TRAP1: variants seen among roughly 807,000 people sequenced by gnomAD.
TRAP1 encodes heat shock protein 75 kDa, mitochondrial.
In TRAP1, 102 loss-of-function variants were observed where a neutral mutation model predicts 89.1. The observed-to-expected ratio is 1.15, with a 90% CI of 0.98 to 1.35. The LOEUF (loss-of-function observed/expected upper bound fraction) is 1.35. TRAP1 is among the 40% of genes most tolerant of loss of function. TRAP1 has a pLI of 0.00. For synonymous variants in TRAP1, 508 were observed against 388.0 expected (o/e 1.31, Z -3.64); for missense variants, 1,256 against 945.3 (o/e 1.33, Z -4.31).
In TRAP1 at chr16:3,658,147, C is replaced by G. The variant is rs544569853; in HGVS notation, c.2097G>C (p.Lys699Asn). 1.7e-5 allele frequency: 28 copies of G among 1,614,112 alleles called. No homozygotes were observed. The highest frequency in any genetic ancestry group is 1.7e-4 in the Middle Eastern group (1 of 6,060). Residue 699 changes from lysine to asparagine, a missense_variant, in exon 18 of 18, where the codon AAG becomes AAC. Coordinates refer to ENST00000246957, the MANE Select transcript of TRAP1 (RefSeq NM_016292.3). ...CTGGCTGTCAGTGTCGCTCCAGGGC[C>G]TTGACAAGCAGCTCATTCAAGCGGC... ...MVGRLNELLVKALERH is the reference protein window; with the variant it reads ...MVGRLNELLVNALERH
At chr16:3,702,084 T>C (rs1165094839) in intron 1 of TRAP1, among the ~76,000 whole-genome samples, 3 of 152,070 alleles carry the variant, frequency 2.0e-5, no homozygotes, top group Admixed American at 2.0e-4. Context: ...GGCGTGCACC[T>C]GTAATCCCAG....
At chr16:3,689,830 C>A (rs1567237291) in intron 2 of TRAP1, 1 of 152,368 alleles carries the variant, frequency 6.6e-6, no homozygotes, top group South Asian at 2.1e-4. Context: ...CAGAGAAAGA[C>A]CCTGTCTCAA....
At chr16:3,687,326 G>C (rs1477401248) in intron 3 of TRAP1, 7 of 152,190 alleles carry the variant, frequency 4.6e-5, no homozygotes, top group African/African-American at 1.7e-4. Context: ...ATGACTGTGA[G>C]ACTTCCCCAG....
chr16:3,674,601 G>A, intron 8 of TRAP1, 107 bp from the exon 9 acceptor site: 3 of 1,380,622 alleles, frequency 2.2e-6, no homozygotes, highest in Non-Finnish European at 2.9e-6. Context: ...CAGGCTCCTG[G>A]GACAGACGGG....
intron 1 of TRAP1, among the ~76,000 whole-genome samples, chr16:3,695,642 C>A (rs2051277102): frequency 6.6e-6 from 1 of 152,130 alleles, no homozygotes; most frequent in African/African-American, 2.4e-5. Flanking sequence ...ATATGCAGAG[C>A]TGTGACGATG....
At chr16:3,664,837 G>A (rs905824834) in intron 12 of TRAP1, 13 of 206,444 alleles carry the variant, frequency 6.3e-5, no homozygotes, top group Middle Eastern at 1.7e-3. Context: ...TGAAGTCCAC[G>A]GTTCCCGGCC....
At chr16:3,677,375 G>T in intron 6 of TRAP1, 123 bp downstream of exon 6, 1 of 1,332,666 alleles carries the variant, frequency 7.5e-7, no homozygotes, top group Non-Finnish European at 1.0e-6. Context: ...GGGAGAGTCA[G>T]ATTTCATATA....
chr16:3,671,823 G>C (rs750965630), intron 10 of TRAP1, 32 bp from the exon 11 acceptor site: 2 of 1,605,986 alleles, frequency 1.2e-6, no homozygotes, highest in East Asian at 2.2e-5. Flanking sequence ...TTCTCCCGGG[G>C]CTGCGGCCCT....
At chr16:3,683,265 G>A (rs2151263559) in intron 4 of TRAP1, among the ~76,000 whole-genome samples, 1 of 152,226 alleles carries the variant, frequency 6.6e-6, no homozygotes, top group African/African-American at 2.4e-5. Flanking sequence ...TAAATGTCAT[G>A]TGGGATGCTG....
At chr16:3,701,932 C>T (rs1230145378) in intron 1 of TRAP1, among the ~76,000 whole-genome samples, 1 of 152,110 alleles carries the variant, frequency 6.6e-6, no homozygotes, top group Non-Finnish European at 1.5e-5. Context: ...ATGAGGCTGC[C>T]CGGCACGGTG....
In TRAP1 at chr16:3,668,359, C is replaced by G. The variant is rs556270703; in HGVS notation, c.1236-2241G>C. ...ACAGGCGTGAGCCACCGCGCCCGGC[C>G]AACACATAAATATTTTAAGTAAATA... On this transcript the variant is annotated intron_variant, in intron 11 of 17. Transcript: ENST00000246957. Among the ~76,000 whole-genome samples the G allele has an allele frequency of 3.3e-4, 50 of 152,226 alleles. 1 individual carries two copies. The South Asian group carries it at 1.0e-2, about 30-fold the overall frequency.
intron 10 of TRAP1, 50 bp downstream of exon 10, chr16:3,672,650 G>T: frequency 6.4e-7 from 1 of 1,567,162 alleles, no homozygotes. Flanking sequence ...CAGATGCAGC[G>T]GGCGACACTG....
At chr16:3,699,865 G>C (rs919542974) in intron 1 of TRAP1, among the ~76,000 whole-genome samples, 4 of 150,270 alleles carry the variant, frequency 2.7e-5, no homozygotes, top group African/African-American at 9.8e-5. Context: ...CCTAGAGATA[G>C]GGTGTTTCCA....
intron 4 of TRAP1, among the ~76,000 whole-genome samples, chr16:3,683,090 A>G (rs1461127321): frequency 2.0e-5 from 3 of 151,442 alleles, no homozygotes; most frequent in African/African-American, 7.3e-5. Context: ...AATTGCTTGA[A>G]CCCGGGAGGC....
chr16:3,661,893 C>T (rs1270357765), intron 16 of TRAP1, 94 bp downstream of exon 16: 14 of 1,455,942 alleles, frequency 9.6e-6, no homozygotes, highest in Non-Finnish European at 1.8e-6. Flanking sequence ...GCCTCACGCA[C>T]TTTTCTTCTG....
chr16:3,660,659 A>G (rs1019820015), intron 16 of TRAP1: 3 of 152,236 alleles, frequency 2.0e-5, no homozygotes, highest in African/African-American at 7.2e-5. Context: ...GCCTTTCCCC[A>G]GGAGTGCCAT....
intron 16 of TRAP1, chr16:3,659,284 A>G: frequency 5.9e-6 from 1 of 170,180 alleles, no homozygotes; most frequent in Non-Finnish European, 1.3e-5. Context: ...GTGGACACTG[A>G]GTGTCTGATG....
At chr16:3,705,638 T>G (rs146563018) in intron 1 of TRAP1, among the ~76,000 whole-genome samples, 1 of 152,156 alleles carries the variant, frequency 6.6e-6, no homozygotes, top group Non-Finnish European at 1.5e-5. Flanking sequence ...CTCCGCTGTA[T>G]AGATTATTTT....
chr16:3,687,970 G>A (rs377609596), intron 3 of TRAP1, among the ~76,000 whole-genome samples: 2 of 152,022 alleles, frequency 1.3e-5, no homozygotes, highest in Admixed American at 6.6e-5. Flanking sequence ...GAAGCTGGAG[G>A]TCACTGGGAG....
Sources: allele counts gnomAD v4.1 joint callset (sites outside exome capture counted in the v4.1 genomes callset), GRCh38; gene constraint gnomAD v4.1.1; transcripts MANE v1.5; gene names NCBI Gene and HGNC (gene_info 2026-07-23, HGNC 2026-07-21).